RIN2: variants seen among roughly 807,000 people sequenced by gnomAD.
The protein encoded by RIN2 is RAB5 interacting protein 2.
A neutral mutation model predicts 78.0 loss-of-function variants in RIN2; 36 were observed. That is an observed-to-expected ratio of 0.46 (90% CI 0.35 to 0.61). The LOEUF (loss-of-function observed/expected upper bound fraction) is 0.61, where lower values mean the gene tolerates loss of function less well. Ranked by LOEUF, RIN2 falls within the 20% of genes least tolerant of loss-of-function variation. RIN2 has a pLI of 0.00. For missense variants in RIN2, 1,087 were observed against 1,159.7 expected (o/e 0.94, Z 0.91); for synonymous variants, 466 against 466.8 (o/e 1.00, Z 0.02).
intron 2 of RIN2, among the ~76,000 whole-genome samples, chr20:19,835,745 T>C (rs2036402788): frequency 6.6e-6 from 1 of 152,194 alleles, no homozygotes; most frequent in Admixed American, 6.5e-5. Context: ...TGCTCAGAAT[T>C]ATTTAAATTT....
chr20:19,967,291 G>A (rs776448675), intron 7 of RIN2, among the ~76,000 whole-genome samples: 12 of 152,182 alleles, frequency 7.9e-5, no homozygotes, highest in South Asian at 2.1e-4. Context: ...TTTGCAGGTA[G>A]GAAGGCCAAG....
At position 19,999,978 on chromosome 20, in the gene RIN2, G is replaced by A. The variant is rs540659714; in HGVS notation, c.2365-635G>A. On this transcript the variant is annotated intron_variant, in intron 12 of 12. Transcript: ENST00000255006. ...AGTCAAAAGTCAGCGCATTTTGTGT[G>A]TGTGTGATTCAACCTAAATGATTGC... Among the ~76,000 whole-genome samples, 20 of 152,310 alleles carry A rather than the reference G, an allele frequency of 1.3e-4. No homozygotes were observed. The South Asian group carries it at 4.1e-3, about 32-fold the overall frequency.
intron 3 of RIN2, among the ~76,000 whole-genome samples, chr20:19,903,452 T>C (rs6106155): frequency 0.37 from 56,850 of 151,824 alleles, 10,559 homozygotes; most frequent in African/African-American, 0.4. Context: ...GTGCCAGGGG[T>C]GTTTCTTCCT....
chr20:19,984,028 C>A (rs745516949), intron 9 of RIN2, among the ~76,000 whole-genome samples: 2 of 141,138 alleles, frequency 1.4e-5, no homozygotes, highest in Non-Finnish European at 3.0e-5. Context: ...ATCCCTCCCC[C>A]CTCCTCCCAC....
At chr20:19,968,485 G>A (rs74380689) in intron 7 of RIN2, among the ~76,000 whole-genome samples, 26 of 152,276 alleles carry the variant, frequency 1.7e-4, no homozygotes, top group African/African-American at 4.6e-4. Flanking sequence ...GCATGTGTGT[G>A]TGCATGTGTG....
chr20:19,827,173 G>A (rs1416841820), intron 2 of RIN2, among the ~76,000 whole-genome samples: 3 of 151,796 alleles, frequency 2.0e-5, no homozygotes, highest in African/African-American at 4.8e-5. Flanking sequence ...ATGGGGTCTC[G>A]CCATGTTGGC....
chr20:19,963,855 C>CTT lies in RIN2; in HGVS notation c.464-1072_464-1071dup, dbSNP rs869033357. ...GCCACACCATCTTGCCAGTATGTGT[C>CTT]TTTTTTTTTTTTTTTTTTTTTTTTT... On this transcript the variant is annotated intron_variant, in intron 6 of 12. Coordinates refer to ENST00000255006, the MANE Select transcript of RIN2 (RefSeq NM_018993.4). Among the ~76,000 whole-genome samples, 438 of 86,610 alleles carry CTT rather than the reference C, an allele frequency of 5.1e-3. 34 individuals are homozygous for CTT. Among genetic ancestry groups the CTT allele is most frequent in the African/African-American group, 0.015 (307 of 20,186 alleles). The allele number at this position is 86,610 out of a possible 152,430, so 56.8% of individuals were successfully genotyped here.
At chr20:19,834,729 G>C (rs866218070) in intron 2 of RIN2, among the ~76,000 whole-genome samples, 1 of 152,080 alleles carries the variant, frequency 6.6e-6, no homozygotes, top group Non-Finnish European at 1.5e-5. Flanking sequence ...GTAACATGTA[G>C]ACCTGACATC....
chr20:19,805,203 G>A (rs1163465568), intron 2 of RIN2, among the ~76,000 whole-genome samples: 1 of 152,126 alleles, frequency 6.6e-6, no homozygotes, highest in African/African-American at 2.4e-5. Flanking sequence ...TATGGGCAGG[G>A]ATGCCCTGAA....
chr20:19,882,915 A>G lies in RIN2; in HGVS notation c.-36-6651A>G, dbSNP rs147264853. The stretch of plus-strand genomic sequence containing the variant: ...ACAATGCTAGGTATCTTATGAATGC[A>G]TAACATACGGGTTAATTGGCTGCTT... On this transcript the variant is annotated intron_variant, in intron 2 of 12. Coordinates refer to ENST00000255006, the MANE Select transcript of RIN2 (RefSeq NM_018993.4). 2.5e-3 allele frequency among the ~76,000 whole-genome samples: 377 copies of G among 152,382 alleles called. 3 individuals carry two copies. Among genetic ancestry groups the G allele is most frequent in the African/African-American group, 8.5e-3 (352 of 41,594 alleles).
intron 2 of RIN2, among the ~76,000 whole-genome samples, chr20:19,844,601 C>CTCT (rs1181481041): frequency 0.01 from 1,272 of 122,388 alleles, 45 homozygotes; most frequent in Middle Eastern, 0.03. Context: ...CTGCTTCTTC[C>CTCT]TCTTCTTCTT....
chr20:19,973,010 T>A (rs566342944), intron 8 of RIN2, among the ~76,000 whole-genome samples: 144 of 152,366 alleles, frequency 9.5e-4, no homozygotes, highest in Non-Finnish European at 1.7e-3. Context: ...TTTCATATCA[T>A]GTATTCGAAA....
At chr20:19,911,881 T>G (rs115921092) in intron 3 of RIN2, among the ~76,000 whole-genome samples, 1 of 152,198 alleles carries the variant, frequency 6.6e-6, no homozygotes, top group Non-Finnish European at 1.5e-5. Flanking sequence ...TGAATCTCTT[T>G]GTTATCAGAA....
At chr20:19,838,803 T>A (rs181206775) in intron 2 of RIN2, among the ~76,000 whole-genome samples, 7 of 152,276 alleles carry the variant, frequency 4.6e-5, no homozygotes, top group Non-Finnish European at 8.8e-5. Flanking sequence ...ATTTCTCTAG[T>A]GTGGGAAGTA....
chr20:19,927,297 G>A (rs562407758), intron 3 of RIN2, among the ~76,000 whole-genome samples: 1 of 152,306 alleles, frequency 6.6e-6, no homozygotes, highest in South Asian at 2.1e-4. Context: ...ACCTAGGCTG[G>A]AGTGCAGTGG....
chr20:19,764,914 C>CTG (rs1388360967), intron 1 of RIN2, among the ~76,000 whole-genome samples: 2 of 39,870 alleles, frequency 5.0e-5, no homozygotes, highest in African/African-American at 1.2e-4. Context: ...ACTTCACTTT[C>CTG]TGCGTTTTTT....
chr20:19,871,738 C>T (rs950543083), intron 2 of RIN2, among the ~76,000 whole-genome samples: 1 of 152,114 alleles, frequency 6.6e-6, no homozygotes, highest in Non-Finnish European at 1.5e-5. Context: ...GGAGGTAGAA[C>T]CAATGTACGC....
At chr20:19,812,445 C>A (rs2035633253) in intron 2 of RIN2, among the ~76,000 whole-genome samples, 2 of 151,074 alleles carry the variant, frequency 1.3e-5, no homozygotes, top group South Asian at 4.2e-4. Context: ...GTGGTTTTAG[C>A]CTTTCCCTAC....
At chr20:19,847,643 C>G (rs773523744) in intron 2 of RIN2, among the ~76,000 whole-genome samples, 1 of 151,950 alleles carries the variant, frequency 6.6e-6, no homozygotes, top group African/African-American at 2.4e-5. Context: ...AAAATACATA[C>G]CAGATTTAGA....
Sources: gnomAD v4.1 joint callset for allele counts (sites outside exome capture counted in the v4.1 genomes callset) on GRCh38, gnomAD v4.1.1 for gene constraint, MANE v1.5 for transcripts, NCBI Gene and HGNC (gene_info 2026-07-23, HGNC 2026-07-21) for gene names.